Variants in SNX25 observed in about 807,000 individuals in gnomAD.
SNX25 encodes sorting nexin-25.
Under a neutral mutation model 113.7 loss-of-function variants are expected in SNX25, and 62 were observed. The ratio of observed to expected loss-of-function variants is 0.55; its 90% CI spans 0.44 to 0.67. The LOEUF (loss-of-function observed/expected upper bound fraction) is 0.67, where lower values mean the gene tolerates loss of function less well. SNX25 is among the 30% of genes least tolerant of loss of function. SNX25 has a pLI of 0.00. For synonymous variants in SNX25, 421 were observed against 436.2 expected, an observed-to-expected ratio of 0.97 and a Z score of 0.43; for missense variants, 1,014 against 1,161.0, an observed-to-expected ratio of 0.87 and a Z score of 1.84.
At chr4:185,312,671 C>T (rs1157169888) in intron 7 of SNX25, among the ~76,000 whole-genome samples, 1 of 152,028 alleles carries the variant, frequency 6.6e-6, no homozygotes, top group African/African-American at 2.4e-5. Flanking sequence ...TACAGACGCC[C>T]GCCACCACAC....
In SNX25 at chr4:185,349,795, G is replaced by A. The variant is rs191926067; in HGVS notation, c.2302-1650G>A. Among the ~76,000 whole-genome samples the A allele has an allele frequency of 4.1e-3, 619 of 152,184 alleles. 1 individual carries two copies. Among genetic ancestry groups the A allele is most frequent in the African/African-American group, 0.014 (574 of 41,518 alleles). On this transcript the variant is annotated intron_variant, in intron 13 of 18. Coordinates refer to ENST00000652585, the MANE Select transcript of SNX25 (RefSeq NM_001378034.2). ...TTCCTTCATTTGAATATAATTTAAG[G>A]CCAAAGATTTACATCTGTAATGATT...
At chr4:185,369,719 C>G in intron 11 of SNX25, 1 of 435,794 alleles carries the variant, frequency 2.3e-6, no homozygotes, top group Non-Finnish European at 4.6e-6. Flanking sequence ...ATTTAGGGTT[C>G]CCAAACTTAC....
intron 1 of SNX25, among the ~76,000 whole-genome samples, chr4:185,224,874 C>T (rs185628142): frequency 6.9e-4 from 104 of 151,520 alleles, no homozygotes; most frequent in Non-Finnish European, 1.1e-3. Flanking sequence ...GTTTCAGGCT[C>T]ATTTTGAATG....
At chr4:185,296,576 C>G (rs1190293692) in intron 6 of SNX25, among the ~76,000 whole-genome samples, 1 of 151,776 alleles carries the variant, frequency 6.6e-6, no homozygotes, top group Non-Finnish European at 1.5e-5. Context: ...GGTGCCTCAG[C>G]TAGTTTAATT....
upstream of SNX25, among the ~76,000 whole-genome samples, chr4:185,208,427 G>A (rs1241945323): frequency 6.6e-6 from 1 of 152,106 alleles, no homozygotes; most frequent in African/African-American, 2.4e-5. Flanking sequence ...GACTTAGAAG[G>A]TTTAAGAAAG....
intron 15 of SNX25, among the ~76,000 whole-genome samples, chr4:185,355,544 G>A (rs945099616): frequency 1.3e-5 from 2 of 152,126 alleles, no homozygotes; most frequent in African/African-American, 4.8e-5. Context: ...TACACATAAG[G>A]ATATTTTAGC....
In SNX25 at chr4:185,264,449, A is replaced by C; in HGVS notation, c.743A>C (p.Gln248Pro). The stretch of plus-strand genomic sequence containing the variant: ...CTCTCTTTATTTAGACATGAAGAAC[A>C]GCCAAGACCTTTTGTGTTGCACGCA... The part of the protein sequence containing the change: ...LKAANARHEE[Q>P]PRPFVLHACL... The change falls in exon 4 of 19, where the codon CAG becomes CCG. Residue 248 changes from glutamine (Q) to proline (P), a missense_variant. Gln to Pro is a moderately conservative substitution (Grantham distance 76, BLOSUM62 -1). Transcript: ENST00000652585. 1 of 1,612,658 alleles carries C rather than the reference A, an allele frequency of 6.2e-7. No individual in the cohort carries two copies. The highest frequency in any genetic ancestry group is 8.5e-7 in the Non-Finnish European group (1 of 1,179,692).
chr4:185,239,645 AACTTT>A (rs760122603), intron 1 of SNX25, among the ~76,000 whole-genome samples: 1 of 151,958 alleles, frequency 6.6e-6, no homozygotes, highest in East Asian at 1.9e-4. Flanking sequence ...ATGAAGACAA[AACTTT>A]ATTTTATTTT....
intron 5 of SNX25, among the ~76,000 whole-genome samples, chr4:185,276,475 C>T (rs1452555317): frequency 2.0e-5 from 3 of 152,168 alleles, no homozygotes; most frequent in Admixed American, 6.5e-5. Context: ...AAGAATAAAA[C>T]AAACAAGACC....
intron 7 of SNX25, among the ~76,000 whole-genome samples, chr4:185,319,193 CTTTTTTT>C (rs143650995): frequency 9.3e-5 from 8 of 85,972 alleles, no homozygotes; most frequent in Non-Finnish European, 4.1e-5. Flanking sequence ...TGAGAAAGTC[CTTTTTTT>C]TTTTTTTTTT....
chr4:185,296,630 T>TA (rs534471411), intron 6 of SNX25, among the ~76,000 whole-genome samples: 2 of 150,926 alleles, frequency 1.3e-5, no homozygotes, highest in Non-Finnish European at 3.0e-5. Flanking sequence ...ATCATAGAAC[T>TA]AAAAAAAAAA....
upstream of SNX25, among the ~76,000 whole-genome samples, chr4:185,205,971 A>G (rs927301459): frequency 2.6e-5 from 4 of 152,238 alleles, no homozygotes; most frequent in African/African-American, 9.6e-5. Flanking sequence ...AGTCAAAAAC[A>G]CAATGAGATA....
chr4:185,354,182 T>TTTTATGTGACTTGG (rs2095329093), intron 15 of SNX25, among the ~76,000 whole-genome samples: 1 of 152,234 alleles, frequency 6.6e-6, no homozygotes, highest in South Asian at 2.1e-4. Flanking sequence ...TTAGAATCCT[T>TTTTATGTGACTTGG]CACGTTGCTT....
chr4:185,327,657 G>A (rs1308808912), intron 9 of SNX25, among the ~76,000 whole-genome samples: 2 of 152,054 alleles, frequency 1.3e-5, no homozygotes, highest in Non-Finnish European at 2.9e-5. Flanking sequence ...GTTTAGCTTT[G>A]AAACAAAGAT....
At chr4:185,321,559 A>G (rs943196480) in intron 8 of SNX25, among the ~76,000 whole-genome samples, 11 of 152,320 alleles carry the variant, frequency 7.2e-5, no homozygotes, top group Admixed American at 2.0e-4. Context: ...CACCGCAGCC[A>G]GCTTTTATTT....
rs1746852245 is a variant in SNX25, at chr4:185,259,007, A to G, written c.674A>G (p.Asn225Ser). Residue 225 changes from asparagine to serine, a missense_variant, in exon 3 of 19, where the codon AAT becomes AGT. Physicochemically the swap from Asn to Ser is conservative, Grantham distance 46. Transcript: ENST00000652585. ...GTGGATGTGGTTAAAGTTGTCTGCA[A>G]TGATGTTGTGAGGACTTTACTCACT... ...SHVDVVKVVC[N>S]DVVRTLLTHF... 1 of 1,614,078 alleles carries G rather than the reference A, an allele frequency of 6.2e-7. No individual in the cohort carries two copies. The highest frequency in any genetic ancestry group is 1.7e-5 in the Admixed American group (1 of 60,000).
chr4:185,225,762 G>A (rs1041254975), intron 1 of SNX25, among the ~76,000 whole-genome samples: 1 of 152,154 alleles, frequency 6.6e-6, no homozygotes, highest in South Asian at 2.1e-4. Context: ...GGGAGGTAGG[G>A]ACTGTTATTC....
intron 5 of SNX25, among the ~76,000 whole-genome samples, chr4:185,276,597 G>T (rs1749716708): frequency 6.6e-6 from 1 of 152,212 alleles, no homozygotes; most frequent in African/African-American, 2.4e-5. Context: ...ACACTTGGGA[G>T]GCTGGGGCGG....
At chr4:185,354,670 C>T (rs1050219376) in intron 15 of SNX25, among the ~76,000 whole-genome samples, 15 of 152,180 alleles carry the variant, frequency 9.9e-5, no homozygotes, top group Non-Finnish European at 2.1e-4. Context: ...AGTGCCTCTC[C>T]CTGAAAGCAT....
Sources: gnomAD v4.1 joint callset for allele counts (sites outside exome capture counted in the v4.1 genomes callset) on GRCh38, gnomAD v4.1.1 for gene constraint, MANE v1.5 for transcripts, NCBI Gene and HGNC (gene_info 2026-07-23, HGNC 2026-07-21) for gene names.